Variants in DLGAP1 observed in about 807,000 individuals in gnomAD.
DLGAP1 encodes the protein DLG associated protein 1, also known as disks large-associated protein 1.
Under a neutral mutation model 90.8 loss-of-function variants are expected in DLGAP1, and 11 were observed. The observed-to-expected ratio is 0.12, with a 90% CI of 0.08 to 0.20. The LOEUF (loss-of-function observed/expected upper bound fraction) is 0.20. Ranked by LOEUF, DLGAP1 falls within the 10% of genes least tolerant of loss-of-function variation. The pLI, the probability that DLGAP1 is intolerant of heterozygous loss-of-function variation, is 1.00. For synonymous variants in DLGAP1, 558 were observed against 540.7 expected (o/e 1.03, Z -0.44); for missense variants, 1,050 against 1,333.8 (o/e 0.79, Z 3.31).
chr18:4,242,964 C>CA (rs1265935523), intron 1 of DLGAP1, among the ~76,000 whole-genome samples: 1 of 152,174 alleles, frequency 6.6e-6, no homozygotes, highest in African/African-American at 2.4e-5. Context: ...GATGCACTGA[C>CA]ACAAAGTGGC....
intron 9 of DLGAP1, 73 bp downstream of exon 9, chr18:3,567,417 T>C: frequency 2.3e-6 from 3 of 1,285,406 alleles, no homozygotes; most frequent in Non-Finnish European, 3.3e-6. Flanking sequence ...TTTGTAGACT[T>C]ATCACGGGGA....
intron 1 of DLGAP1, among the ~76,000 whole-genome samples, chr18:4,368,202 T>TA (rs1205019850): frequency 2.6e-5 from 4 of 152,244 alleles, no homozygotes; most frequent in Admixed American, 2.6e-4. Flanking sequence ...CTAACAAGTC[T>TA]ATACTGTCTA....
intron 1 of DLGAP1, among the ~76,000 whole-genome samples, chr18:4,292,787 C>A (rs907756048): frequency 6.6e-6 from 1 of 151,996 alleles, no homozygotes; most frequent in African/African-American, 2.4e-5. Flanking sequence ...ACAGGAGAAA[C>A]AAGTTAGAAA....
chr18:3,994,651 G>A (rs2074032556), intron 3 of DLGAP1, among the ~76,000 whole-genome samples: 1 of 152,064 alleles, frequency 6.6e-6, no homozygotes, highest in Admixed American at 6.6e-5. Flanking sequence ...GAAATTCCAG[G>A]TACAAAAGAT....
intron 1 of DLGAP1, among the ~76,000 whole-genome samples, chr18:4,382,209 C>A (rs949079756): frequency 6.6e-6 from 1 of 152,116 alleles, no homozygotes; most frequent in African/African-American, 2.4e-5. Flanking sequence ...GGCTAAGAGT[C>A]AGACTCTGCA....
At chr18:3,547,864 T>C (rs550439168) in intron 9 of DLGAP1, among the ~76,000 whole-genome samples, 1 of 152,316 alleles carries the variant, frequency 6.6e-6, no homozygotes, top group Admixed American at 6.5e-5. Flanking sequence ...AACAGATGAA[T>C]GAATAAACAA....
At chr18:3,800,525 G>C (rs1051696255) in intron 5 of DLGAP1, among the ~76,000 whole-genome samples, 4 of 152,156 alleles carry the variant, frequency 2.6e-5, no homozygotes, top group Non-Finnish European at 5.9e-5. Flanking sequence ...AGTGAAAAGA[G>C]CAAATTGTAG....
intron 7 of DLGAP1, among the ~76,000 whole-genome samples, chr18:3,634,303 C>T (rs532661355): frequency 6.9e-4 from 105 of 152,064 alleles, no homozygotes; most frequent in African/African-American, 2.2e-3. Context: ...TTTTATAATA[C>T]ATAATGTTTT....
chr18:4,310,915 C>A (rs1200868386), intron 1 of DLGAP1, among the ~76,000 whole-genome samples: 1 of 152,148 alleles, frequency 6.6e-6, no homozygotes, highest in African/African-American at 2.4e-5. Context: ...TTTAGAAGGC[C>A]TTACAGAACA....
chr18:4,269,528 G>A (rs1213391394), intron 1 of DLGAP1, among the ~76,000 whole-genome samples: 4 of 151,536 alleles, frequency 2.6e-5, no homozygotes, highest in Non-Finnish European at 5.9e-5. Context: ...TAATTTTTGT[G>A]TATTTTTAGT....
intron 7 of DLGAP1, among the ~76,000 whole-genome samples, chr18:3,672,595 A>G (rs1056922049): frequency 7.3e-6 from 1 of 136,298 alleles, no homozygotes; most frequent in African/African-American, 3.3e-5. Flanking sequence ...AAAAAAAAAA[A>G]AAAAAAAAAA....
chr18:4,057,006 C>T (rs1211123217), intron 2 of DLGAP1, among the ~76,000 whole-genome samples: 12 of 5,870 alleles, frequency 2.0e-3, no homozygotes, highest in African/African-American at 9.8e-3. Flanking sequence ...ACCATACATA[C>T]ACACACACAC....
chr18:3,909,119 A>C (rs919646952), intron 3 of DLGAP1, among the ~76,000 whole-genome samples: 1 of 152,222 alleles, frequency 6.6e-6, no homozygotes, highest in Non-Finnish European at 1.5e-5. Context: ...TATACCAAAA[A>C]TTACCTGAGT....
intron 2 of DLGAP1, among the ~76,000 whole-genome samples, chr18:4,081,439 T>A (rs960608258): frequency 6.6e-6 from 1 of 152,164 alleles, no homozygotes; most frequent in Admixed American, 6.5e-5. Flanking sequence ...ACTCCTATAG[T>A]GTGCCTCCTG....
At chr18:4,153,389 G>C (rs7234731) in intron 1 of DLGAP1, among the ~76,000 whole-genome samples, 31,306 of 152,150 alleles carry the variant, frequency 0.21, 4,246 homozygotes, top group East Asian at 0.54. Context: ...ATAGAGAAGG[G>C]CATTGAAACC....
At chr18:4,299,322 C>G (rs2080067615) in intron 1 of DLGAP1, among the ~76,000 whole-genome samples, 1 of 152,152 alleles carries the variant, frequency 6.6e-6, no homozygotes, top group Non-Finnish European at 1.5e-5. Context: ...AAAGAACACT[C>G]AACAGATCTA....
intron 3 of DLGAP1, among the ~76,000 whole-genome samples, chr18:3,930,299 C>T (rs1356409990): frequency 6.6e-6 from 1 of 152,078 alleles, no homozygotes; most frequent in African/African-American, 2.4e-5. Context: ...GAGTAGTTGC[C>T]ATGGGTGTGG....
At chr18:3,862,005 T>C (rs956838530) in intron 4 of DLGAP1, among the ~76,000 whole-genome samples, 15 of 152,238 alleles carry the variant, frequency 9.9e-5, no homozygotes, top group African/African-American at 2.4e-4. Flanking sequence ...ACGTTGACAC[T>C]TGTACATCAA....
At chr18:3,635,436 G>GC (rs1298388201) in intron 7 of DLGAP1, among the ~76,000 whole-genome samples, 1 of 151,516 alleles carries the variant, frequency 6.6e-6, no homozygotes, top group African/African-American at 2.4e-5. Flanking sequence ...ACCGCGCCCG[G>GC]CCTGTCTGTC....
Sources: allele counts gnomAD v4.1 joint callset (sites outside exome capture counted in the v4.1 genomes callset), GRCh38; gene constraint gnomAD v4.1.1; transcripts MANE v1.5; gene names NCBI Gene and HGNC (gene_info 2026-07-23, HGNC 2026-07-21).